The following KDM2A variants were observed in gnomAD, a reference collection of about 807,000 sequenced individuals.
KDM2A encodes lysine demethylase 2A.
In KDM2A, 3 loss-of-function variants were observed where a neutral mutation model predicts 137.3. The observed-to-expected ratio is 0.02, with a 90% confidence interval of 0.01 to 0.06. KDM2A has a LOEUF of 0.06. KDM2A is among the 10% of genes least tolerant of loss of function. The probability of loss-of-function intolerance (pLI) is 1.00; values close to 1 mark genes in which losing one functional copy is unlikely to be tolerated. For synonymous variants in KDM2A, 512 were observed against 541.5 expected (o/e 0.95, Z 0.76); for missense variants, 738 against 1,510.6 (o/e 0.49, Z 8.48).
At chr11:67,223,186 C>T (rs1312208660) in intron 10 of KDM2A, among the ~76,000 whole-genome samples, 1 of 142,174 alleles carries the variant, frequency 7.0e-6, no homozygotes, top group Admixed American at 7.0e-5. Context: ...GAATGAAACT[C>T]CATCTCAAAA....
At chr11:67,198,768 G>A (rs1857548249) in intron 5 of KDM2A, among the ~76,000 whole-genome samples, 1 of 126,328 alleles carries the variant, frequency 7.9e-6, no homozygotes, top group Admixed American at 7.2e-5. Flanking sequence ...AGTTTGTTTT[G>A]TTTTGTTTTG....
At chr11:67,125,312 C>G (rs1855695506) in intron 2 of KDM2A, among the ~76,000 whole-genome samples, 1 of 151,722 alleles carries the variant, frequency 6.6e-6, no homozygotes, top group African/African-American at 2.4e-5. Flanking sequence ...TCCCAGGTAG[C>G]TAGGACTACA....
Position 67,245,494 on chromosome 11 carries a change from G to T in KDM2A, c.1833+36G>T. 1 of 1,607,090 alleles carries T rather than the reference G, an allele frequency of 6.2e-7. No individual in the cohort carries two copies. Among genetic ancestry groups the T allele is most frequent in the Non-Finnish European group, 8.5e-7 (1 of 1,175,706 alleles). ...TGCTGGGTAAAGAATTTTGGGGAGG[G>T]GTGGCAGTGCCAAAGGAACTGAAAT... On this transcript the variant is annotated intron_variant, in intron 14 of 20. Coordinates refer to ENST00000529006, the MANE Select transcript of KDM2A (RefSeq NM_012308.3). This position sits in a 1 kb window ranked among gnomAD's most constrained non-coding sequence, Gnocchi z 4.1.
intron 2 of KDM2A, among the ~76,000 whole-genome samples, chr11:67,168,630 C>A (rs919926442): frequency 7.1e-6 from 1 of 140,824 alleles, no homozygotes; most frequent in Non-Finnish European, 1.5e-5. Context: ...CACACACACA[C>A]ACACACACAC....
At chr11:67,138,370 A>G (rs1038809796) in intron 2 of KDM2A, among the ~76,000 whole-genome samples, 57 of 152,372 alleles carry the variant, frequency 3.7e-4, no homozygotes, top group African/African-American at 1.4e-3. Context: ...ATCAGGTTGC[A>G]TAGGTTAGTT....
At chr11:67,207,978 C>G (rs577246147) in intron 6 of KDM2A, among the ~76,000 whole-genome samples, 1 of 152,024 alleles carries the variant, frequency 6.6e-6, no homozygotes, top group East Asian at 1.9e-4. Context: ...CTGCAGTGAC[C>G]GGTGATTGCA....
intron 2 of KDM2A, among the ~76,000 whole-genome samples, chr11:67,126,775 A>G (rs973707127): frequency 1.3e-5 from 2 of 152,152 alleles, no homozygotes; most frequent in Non-Finnish European, 2.9e-5. Flanking sequence ...TGGAAAAGAA[A>G]TGCACCTTTG....
intron 5 of KDM2A, among the ~76,000 whole-genome samples, chr11:67,189,732 C>G (rs1030597963): frequency 6.6e-6 from 1 of 151,728 alleles, no homozygotes. Flanking sequence ...CCCAGCTACT[C>G]GGGAGGCTGA....
At chr11:67,131,450 C>T (rs1411082493) in intron 2 of KDM2A, among the ~76,000 whole-genome samples, 1 of 135,552 alleles carries the variant, frequency 7.4e-6, no homozygotes, top group Non-Finnish European at 1.5e-5. Flanking sequence ...TCGCTCTTGT[C>T]GCCCAGGTTG....
chr11:67,194,473 A>C (rs901833202), intron 5 of KDM2A, among the ~76,000 whole-genome samples: 11 of 152,224 alleles, frequency 7.2e-5, no homozygotes, highest in African/African-American at 2.7e-4. Context: ...TAGTCAGTTG[A>C]TCAGGAGTTA....
intron 2 of KDM2A, among the ~76,000 whole-genome samples, chr11:67,136,680 T>G (rs1855975801): frequency 6.6e-6 from 1 of 152,186 alleles, no homozygotes; most frequent in South Asian, 2.1e-4. Context: ...TCTTGTGATG[T>G]TCAGGGGTTC....
At chr11:67,158,377 C>T (rs550716041) in intron 2 of KDM2A, among the ~76,000 whole-genome samples, 4 of 152,256 alleles carry the variant, frequency 2.6e-5, no homozygotes, top group Admixed American at 2.0e-4. Context: ...TGTATAAAGC[C>T]GCTCTGAATA....
At chr11:67,237,912 C>A (rs1858916532) in intron 12 of KDM2A, among the ~76,000 whole-genome samples, 1 of 150,808 alleles carries the variant, frequency 6.6e-6, no homozygotes. Flanking sequence ...AAAGCGAGAC[C>A]CTGTCTGAAA....
intron 10 of KDM2A, among the ~76,000 whole-genome samples, chr11:67,224,343 G>C (rs1048495455): frequency 2.6e-5 from 4 of 151,966 alleles, no homozygotes; most frequent in Non-Finnish European, 5.9e-5. Context: ...GGTGGTTCAT[G>C]CCTATAATCC....
Position 67,231,634 on chromosome 11 carries a change from T to C in KDM2A, c.1153T>C (p.Leu385=). 6.2e-7 allele frequency: 1 copy of C among 1,612,984 alleles called. No homozygotes were observed. Among genetic ancestry groups the C allele is most frequent in the Non-Finnish European group, 8.5e-7 (1 of 1,179,444 alleles). The change falls in exon 12 of 21, where the codon TTG becomes CTG. Residue 385 remains leucine, a synonymous_variant. Coordinates refer to ENST00000529006, the MANE Select transcript of KDM2A (RefSeq NM_012308.3). The part of the protein sequence containing the change: ...EEAVDREPRR[L]SSRRSVLTSP... The stretch of plus-strand genomic sequence containing the variant: ...AGCAGTGGATCGAGAACCCCGACGC[T>C]TGAGCAGCAGGCGTTCTGTCCTCAC...
At chr11:67,227,214 A>G (rs1197942501) in intron 10 of KDM2A, among the ~76,000 whole-genome samples, 1 of 152,230 alleles carries the variant, frequency 6.6e-6, no homozygotes, top group East Asian at 1.9e-4. Context: ...ACTACAAAGT[A>G]TGAGGCAGGC....
intron 2 of KDM2A, among the ~76,000 whole-genome samples, chr11:67,160,078 C>T (rs1190608433): frequency 6.6e-6 from 1 of 152,088 alleles, no homozygotes; most frequent in Non-Finnish European, 1.5e-5. Flanking sequence ...TGAATTTAGC[C>T]CTGCCTCACT....
intron 5 of KDM2A, among the ~76,000 whole-genome samples, chr11:67,193,861 A>G (rs1329679581): frequency 6.6e-6 from 1 of 152,030 alleles, no homozygotes; most frequent in South Asian, 2.1e-4. Context: ...ACCCCATCTC[A>G]ATACATACAT....
At chr11:67,237,567 G>C (rs1858907890) in intron 12 of KDM2A, among the ~76,000 whole-genome samples, 1 of 151,924 alleles carries the variant, frequency 6.6e-6, no homozygotes, top group Admixed American at 6.6e-5. Context: ...CAAGTGCTAG[G>C]ATTACAGGCA....
Sources: allele counts gnomAD v4.1 joint callset (sites outside exome capture counted in the v4.1 genomes callset), GRCh38; gene constraint gnomAD v4.1.1; non-coding constraint Gnocchi (gnomAD v3.1); transcripts MANE v1.5; gene names NCBI Gene and HGNC (gene_info 2026-07-23, HGNC 2026-07-21).